Variants in PNPLA7 observed in about 807,000 individuals in gnomAD.
The protein encoded by PNPLA7 is patatin-like phospholipase domain-containing protein 7.
A neutral mutation model predicts 161.7 loss-of-function variants in PNPLA7; 153 were observed. The ratio of observed to expected loss-of-function variants is 0.95; its 90% CI spans 0.83 to 1.08. The LOEUF (loss-of-function observed/expected upper bound fraction) is 1.08, where lower values mean the gene tolerates loss of function less well. Among genes scored for constraint, PNPLA7 ranks in the 50% least tolerant of loss-of-function variants. The pLI, the probability that PNPLA7 is intolerant of heterozygous loss-of-function variation, is 0.00. For synonymous variants in PNPLA7, 809 were observed against 782.1 expected (o/e 1.03, Z -0.57); for missense variants, 1,739 against 1,856.6 (o/e 0.94, Z 1.16).
chr9:137,536,714 TGG>T (rs1399956709), intron 8 of PNPLA7, among the ~76,000 whole-genome samples: 1 of 152,154 alleles, frequency 6.6e-6, no homozygotes, highest in Non-Finnish European at 1.5e-5. Context: ...GCGGTGCAGA[TGG>T]GAACGTAGCA....
intron 20 of PNPLA7, chr9:137,491,738 G>C: frequency 1.0e-6 from 1 of 985,454 alleles, no homozygotes; most frequent in East Asian, 1.1e-4. Flanking sequence ...CCGCTTCTTG[G>C]ACAGACGTTC....
At chr9:137,465,420 A>C (rs1831416870) in intron 26 of PNPLA7, among the ~76,000 whole-genome samples, 1 of 152,154 alleles carries the variant, frequency 6.6e-6, no homozygotes, top group African/African-American at 2.4e-5. Context: ...CTGGCCCCCC[A>C]GCCCCAGACC....
chr9:137,471,592 C>A (rs1242813135), intron 25 of PNPLA7, among the ~76,000 whole-genome samples: 2 of 126,830 alleles, frequency 1.6e-5, no homozygotes, highest in Admixed American at 7.9e-5. Flanking sequence ...AGCAAGACTC[C>A]GTCTCAAAAA....
intron 14 of PNPLA7, among the ~76,000 whole-genome samples, chr9:137,504,947 G>A (rs10117229): frequency 0.016 from 2,409 of 152,224 alleles, 65 homozygotes; most frequent in African/African-American, 0.054. Flanking sequence ...CCAACACTCT[G>A]GGAGGCTGAG....
At position 137,545,674 on chromosome 9, in the gene PNPLA7, AATAATCCT is replaced by A. The variant is rs1204690777; in HGVS notation, c.273+1148_273+1155del. On this transcript the variant is annotated intron_variant, in intron 4 of 34. Transcript: ENST00000406427. ...CAATTACTCTTTATTCCAATATTAT[AATAATCCT>A]CACTCTATAATCATAGCCTAGGAAA... 1.9e-4 allele frequency among the ~76,000 whole-genome samples: 29 copies of A among 152,362 alleles called. No homozygotes were observed. In the East Asian group the frequency reaches 4.6e-3, roughly 24 times the overall value.
rs182963888 is a variant in PNPLA7, at chr9:137,520,619, G to T, written c.958-576C>A. 6.6e-5 allele frequency among the ~76,000 whole-genome samples: 10 copies of T among 152,272 alleles called. No homozygotes were observed. Among genetic ancestry groups the T allele is most frequent in the Non-Finnish European group, 1.0e-4 (7 of 68,008 alleles). On this transcript the variant is annotated intron_variant, in intron 10 of 34. Coordinates refer to ENST00000406427, the MANE Select transcript of PNPLA7 (RefSeq NM_001098537.3). This position sits in a 1 kb window ranked among gnomAD's most constrained non-coding sequence, Gnocchi z 5.2. Reference sequence around the variant, plus strand: ...GCCCCATGACTAAAGAGAGCCCTCCGCATATCAGGCTACTGTTTTGGGCAG... The same window carrying T: ...GCCCCATGACTAAAGAGAGCCCTCCTCATATCAGGCTACTGTTTTGGGCAG...
intron 4 of PNPLA7, among the ~76,000 whole-genome samples, chr9:137,546,562 C>A (rs1277349661): frequency 6.6e-6 from 1 of 152,218 alleles, no homozygotes; most frequent in Admixed American, 6.5e-5. Context: ...AGCTGCCCCT[C>A]CAGGCCAGGG....
Position 137,462,032 on chromosome 9 carries a change from A to AG in PNPLA7, c.3654dup (p.Tyr1219LeufsTer9). Reference sequence around the variant, plus strand: ...TCAAACACCGTGCGCCCGTGCTGGTAGCCCACTTCCTGTGCACACCCCCAG... The same window carrying AG: ...TCAAACACCGTGCGCCCGTGCTGGTAGGCCCACTTCCTGTGCACACCCCCAG... On this transcript the variant is annotated frameshift_variant, in exon 32 of 35. Transcript: ENST00000406427. LOFTEE classifies it high-confidence loss of function. The AG allele has an allele frequency of 6.3e-7, 1 of 1,595,960 alleles. No individual in the cohort carries two copies. The highest frequency in any genetic ancestry group is 8.5e-7 in the Non-Finnish European group (1 of 1,172,308).
chr9:137,542,280 A>G (rs1308647641), intron 7 of PNPLA7, among the ~76,000 whole-genome samples: 3 of 152,092 alleles, frequency 2.0e-5, no homozygotes, highest in Non-Finnish European at 4.4e-5. Flanking sequence ...ATGAGCCCGG[A>G]CAACAAACTG....
intron 23 of PNPLA7, chr9:137,479,686 A>G: frequency 1.0e-6 from 1 of 985,390 alleles, no homozygotes; most frequent in Non-Finnish European, 1.2e-6. Context: ...GGGAAATGCA[A>G]ACTGAAGGCA....
At position 137,540,933 on chromosome 9, in the gene PNPLA7, C is replaced by G. The variant is rs3750383; in HGVS notation, c.667-211G>C. On this transcript the variant is annotated intron_variant, in intron 7 of 34. Coordinates refer to ENST00000406427, the MANE Select transcript of PNPLA7 (RefSeq NM_001098537.3). This position sits in a 1 kb window ranked among gnomAD's most constrained non-coding sequence, Gnocchi z 5.1. ...ACACAGGAAGCGGCAGCAAGGAAAA[C>G]AGACGGAGGAGACCCCACCTCTCCA... The G allele has an allele frequency of 0.25, 133,412 of 536,242 alleles. 20,465 individuals are homozygous for G. The highest frequency in any genetic ancestry group is 0.69 in the East Asian group (21,188 of 30,920). 33.2% of individuals were successfully genotyped at this position (536,242 alleles called of 1,614,324 possible). A position where few individuals can be genotyped will look rare whatever the true frequency, so the allele number is the denominator to read the frequency against.
rs200939216 is a variant in PNPLA7 at position 137,520,079 on chromosome 9, G to A, written c.958-36C>T. ...AGAAGGAAGTTCAGTGCCACCCCAGGAACACCCCACACCCACTGACAGGTG... is the reference window on the plus strand; with the variant it reads ...AGAAGGAAGTTCAGTGCCACCCCAGAAACACCCCACACCCACTGACAGGTG... On this transcript the variant is annotated intron_variant, in intron 10 of 34. Transcript: ENST00000406427. This position sits in a 1 kb window ranked among gnomAD's most constrained non-coding sequence, Gnocchi z 5.2. 2 of 1,608,978 alleles carry A rather than the reference G, an allele frequency of 1.2e-6. No homozygotes were observed. Among genetic ancestry groups the A allele is most frequent in the African/African-American group, 1.3e-5 (1 of 74,988 alleles).
intron 12 of PNPLA7, 137 bp from the exon 13 acceptor site, chr9:137,506,220 C>T: frequency 4.7e-6 from 3 of 640,948 alleles, no homozygotes; most frequent in Non-Finnish European, 5.5e-6. Flanking sequence ...CCCTGAGATC[C>T]CTCCACACCC....
intron 25 of PNPLA7, among the ~76,000 whole-genome samples, chr9:137,469,451 A>G (rs1831618381): frequency 6.6e-6 from 1 of 152,244 alleles, no homozygotes; most frequent in South Asian, 2.1e-4. Context: ...AGGAAGCATG[A>G]TAAATCCTAA....
chr9:137,461,719 C>G (rs1831206635), intron 32 of PNPLA7, 99 bp from the exon 33 acceptor site: 2 of 1,325,970 alleles, frequency 1.5e-6, no homozygotes, highest in Non-Finnish European at 2.1e-6. Flanking sequence ...TGCGCCCTCT[C>G]TGCAGCCTCC....
Position 137,522,772 on chromosome 9 carries a change from C to T in PNPLA7, c.833G>A (p.Gly278Glu), listed in dbSNP as rs1835094566. The change falls in exon 9 of 35, where the codon GGA becomes GAA. Residue 278 changes from glycine to glutamate, a missense_variant. By Grantham distance (98) the Gly-to-Glu change is moderately conservative (BLOSUM62 -2). Coordinates refer to ENST00000406427, the MANE Select transcript of PNPLA7 (RefSeq NM_001098537.3). Reference protein sequence around the residue: ...ILRLPAAAFHGVFEKYPETLV... With the variant: ...ILRLPAAAFHEVFEKYPETLV... ...AGTTTCCGGATATTTCTCAAAAACTCCATGAAAAGCCGCAGCTGGAAGCCG... is the reference window on the plus strand; with the variant it reads ...AGTTTCCGGATATTTCTCAAAAACTTCATGAAAAGCCGCAGCTGGAAGCCG... 6.2e-7 allele frequency: 1 copy of T among 1,613,680 alleles called. No homozygotes were observed. The highest frequency in any genetic ancestry group is 1.3e-5 in the African/African-American group (1 of 74,932).
rs377513617 is a variant in PNPLA7, at chr9:137,496,954, A to G, written c.2013+233T>C. 2.6e-3 allele frequency among the ~76,000 whole-genome samples: 403 copies of G among 152,314 alleles called. 1 individual carries two copies. The highest frequency in any genetic ancestry group is 9.4e-3 in the African/African-American group (391 of 41,584). Reference sequence around the variant, plus strand: ...CCAGATGCCAGGATAGGTGCCTGGGAGTCCCCCACAGAGGCAGAGCCTGGG... The same window carrying G: ...CCAGATGCCAGGATAGGTGCCTGGGGGTCCCCCACAGAGGCAGAGCCTGGG... On this transcript the variant is annotated intron_variant, in intron 18 of 34. Transcript: ENST00000406427.
chr9:137,519,817 T>A (rs538641773), intron 11 of PNPLA7, 100 bp downstream of exon 11: 1 of 1,480,926 alleles, frequency 6.8e-7, no homozygotes, highest in South Asian at 1.3e-5. Flanking sequence ...TGTGGTGGCC[T>A]CAGGCATGTG....
intron 33 of PNPLA7, 75 bp downstream of exon 33, chr9:137,461,461 T>TGGGGGGGGGGGGGGGGGGCTTGGGGGGG: frequency 8.4e-7 from 1 of 1,189,096 alleles, no homozygotes; most frequent in Non-Finnish European, 1.1e-6. Flanking sequence ...GCCTCTGGGG[T>TGGGGGGGGGGGGGGGGGGCTTGGGGGGG]GGGGGGGTTC....
Sources: gnomAD v4.1 joint callset for allele counts (sites outside exome capture counted in the v4.1 genomes callset) on GRCh38, gnomAD v4.1.1 for gene constraint, Gnocchi (gnomAD v3.1) non-coding constraint, MANE v1.5 for transcripts, NCBI Gene and HGNC (gene_info 2026-07-23, HGNC 2026-07-21) for gene names.